Variants in KCNN2 observed in about 807,000 individuals in gnomAD.
KCNN2 encodes small conductance calcium-activated potassium channel protein 2.
In KCNN2, 24 loss-of-function variants were observed where a neutral mutation model predicts 55.5. That is an observed-to-expected ratio of 0.43 (90% confidence interval 0.31 to 0.61). The LOEUF (loss-of-function observed/expected upper bound fraction) is 0.61. Among genes scored for constraint, KCNN2 ranks in the 20% least tolerant of loss-of-function variants. The pLI, the probability that KCNN2 is intolerant of heterozygous loss-of-function variation, is 0.08. For synonymous variants in KCNN2, 431 were observed against 336.1 expected, an observed-to-expected ratio of 1.28 and a Z score of -3.09; for missense variants, 754 against 853.6, an observed-to-expected ratio of 0.88 and a Z score of 1.45.
chr5:114,437,913 C>A (rs1242955742), intron 3 of KCNN2, among the ~76,000 whole-genome samples: 4 of 152,012 alleles, frequency 2.6e-5, no homozygotes, highest in Admixed American at 1.3e-4. Flanking sequence ...TTAAATATTT[C>A]TTTTTCTCTT....
At chr5:114,408,117 T>A (rs1758997668) in intron 3 of KCNN2, among the ~76,000 whole-genome samples, 1 of 152,078 alleles carries the variant, frequency 6.6e-6, no homozygotes, top group Non-Finnish European at 1.5e-5. Context: ...TGCGGTTGCC[T>A]CTTGGTTTTT....
chr5:114,445,096 C>G (rs1055911593), intron 3 of KCNN2, among the ~76,000 whole-genome samples: 4 of 152,078 alleles, frequency 2.6e-5, no homozygotes, highest in Admixed American at 6.5e-5. Flanking sequence ...ATGTGTGTGT[C>G]TTTACATGTA....
rs138830635 is a variant in KCNN2, at chr5:114,286,612, C to T, written c.-185+65047C>T. ...TATATCATAAAGGCCTAAACCACAG[C>T]AGTGGCAAAGAGAAGGGAGAAGAGG... is the stretch of plus-strand genomic sequence containing the variant. On this transcript the variant is annotated intron_variant, in intron 2 of 10. Coordinates refer to the KCNN2 transcript ENST00000512097. Among the ~76,000 whole-genome samples, 384 of 152,098 alleles carry T rather than the reference C, an allele frequency of 2.5e-3. 1 individual carries two copies. Among genetic ancestry groups the T allele is most frequent in the African/African-American group, 8.9e-3 (371 of 41,526 alleles).
At chr5:114,382,826 T>A (rs1405835376) in intron 2 of KCNN2, among the ~76,000 whole-genome samples, 1 of 152,230 alleles carries the variant, frequency 6.6e-6, no homozygotes, top group Non-Finnish European at 1.5e-5. Context: ...ATTAGCAGCT[T>A]GCTTCAGTTA....
At chr5:114,241,742 GTA>G (rs1172895855) in intron 2 of KCNN2, among the ~76,000 whole-genome samples, 1 of 15,946 alleles carries the variant, frequency 6.3e-5, no homozygotes, top group Non-Finnish European at 1.1e-4. Context: ...ACATATATAC[GTA>G]TATATATGTA....
intron 1 of KCNN2, among the ~76,000 whole-genome samples, chr5:114,128,182 T>C (rs1236738860): frequency 6.6e-6 from 1 of 152,168 alleles, no homozygotes; most frequent in Non-Finnish European, 1.5e-5. Flanking sequence ...ATTATTCTGT[T>C]CTAGTTCTGC....
intron 1 of KCNN2, among the ~76,000 whole-genome samples, chr5:114,130,857 C>T (rs555340916): frequency 1.1e-4 from 16 of 152,228 alleles, no homozygotes; most frequent in East Asian, 1.9e-4. Context: ...TTTTATATAA[C>T]GCCTTGCACA....
rs574530949 is a variant in KCNN2, at chr5:114,066,769, TG to T, written c.-271+10273del. 8.5e-5 allele frequency among the ~76,000 whole-genome samples: 13 copies of T among 152,176 alleles called. No homozygotes were observed. The South Asian group carries it at 2.7e-3, about 32-fold the overall frequency. ...TAATTTTTGTGTGTTTTAGTAGAGA[TG>T]GGGTTTCATCATGTTGGCCAGGATG... On this transcript the variant is annotated intron_variant, in intron 1 of 10. Coordinates refer to the KCNN2 transcript ENST00000512097.
chr5:114,278,873 C>T (rs1755555297), intron 2 of KCNN2, among the ~76,000 whole-genome samples: 1 of 152,180 alleles, frequency 6.6e-6, no homozygotes, highest in South Asian at 2.1e-4. Flanking sequence ...CTGTGGGCTA[C>T]ACCCACTGTC....
At chr5:114,147,202 T>C (rs1477205044) in intron 1 of KCNN2, among the ~76,000 whole-genome samples, 2 of 152,040 alleles carry the variant, frequency 1.3e-5, no homozygotes, top group Non-Finnish European at 2.9e-5. Flanking sequence ...GATGAACGAG[T>C]AAGTTTTGGT....
rs553285515 is a variant in KCNN2, at chr5:114,076,187, C to T, written c.-271+19687C>T. Among the ~76,000 whole-genome samples the T allele has an allele frequency of 7.2e-5, 11 of 152,348 alleles. No homozygotes were observed. The South Asian group carries it at 1.9e-3, about 26-fold the overall frequency. On this transcript the variant is annotated intron_variant, in intron 1 of 10. Coordinates refer to the KCNN2 transcript ENST00000512097. ...TGAGGTGTAATACTCTTGGCCTCCACGCCTCACCTACCCTCCTCCTCTTTG... is the reference window on the plus strand; with the variant it reads ...TGAGGTGTAATACTCTTGGCCTCCATGCCTCACCTACCCTCCTCCTCTTTG...
At chr5:114,192,412 G>T (rs770173241) in intron 1 of KCNN2, among the ~76,000 whole-genome samples, 3 of 152,102 alleles carry the variant, frequency 2.0e-5, no homozygotes, top group African/African-American at 7.2e-5. Flanking sequence ...CACTCCCTAT[G>T]TATGTATGGA....
At chr5:114,126,796 C>T (rs1463181995) in intron 1 of KCNN2, among the ~76,000 whole-genome samples, 1 of 152,122 alleles carries the variant, frequency 6.6e-6, no homozygotes, top group African/African-American at 2.4e-5. Context: ...CACCTATGAG[C>T]CTGTAAAATC....
intron 3 of KCNN2, among the ~76,000 whole-genome samples, chr5:114,446,895 CTG>C (rs1212519875): frequency 6.6e-6 from 1 of 152,172 alleles, no homozygotes; most frequent in African/African-American, 2.4e-5. Flanking sequence ...GAGCAAGACT[CTG>C]TCTCAGTCGA....
intron 2 of KCNN2, among the ~76,000 whole-genome samples, chr5:114,278,425 G>A (rs1229862723): frequency 6.6e-6 from 1 of 152,250 alleles, no homozygotes; most frequent in African/African-American, 2.4e-5. Context: ...GCTGTCTGCT[G>A]TCTTTTGTTC....
At chr5:114,165,279 TCCTCTTCCTCTA>T (rs1752885635) in intron 1 of KCNN2, among the ~76,000 whole-genome samples, 1 of 152,146 alleles carries the variant, frequency 6.6e-6, no homozygotes, top group Non-Finnish European at 1.5e-5. Flanking sequence ...GACAGATCCC[TCCTCTTCCTCTA>T]CCTCTTCAGC....
intron 1 of KCNN2, among the ~76,000 whole-genome samples, chr5:114,213,049 A>G (rs761019576): frequency 6.6e-6 from 1 of 152,042 alleles, no homozygotes; most frequent in Admixed American, 6.6e-5. Flanking sequence ...AGGGAGAAGA[A>G]GAGATTACAA....
chr5:114,451,875 T>C (rs866078179), intron 3 of KCNN2, among the ~76,000 whole-genome samples: 5 of 148,798 alleles, frequency 3.4e-5, no homozygotes, highest in East Asian at 2.0e-4. Flanking sequence ...CCAGCCTGGG[T>C]GACAGAGCAA....
intron 1 of KCNN2, among the ~76,000 whole-genome samples, chr5:114,091,231 C>T (rs148527906): frequency 6.6e-6 from 1 of 152,126 alleles, no homozygotes; most frequent in Non-Finnish European, 1.5e-5. Context: ...ATTAACCACC[C>T]TCCCCTTCCA....
Sources: allele counts gnomAD v4.1 joint callset (sites outside exome capture counted in the v4.1 genomes callset), GRCh38; gene constraint gnomAD v4.1.1; transcripts MANE v1.5; gene names NCBI Gene and HGNC (gene_info 2026-07-23, HGNC 2026-07-21).